SPECC1: variants seen among roughly 807,000 people sequenced by gnomAD.
The protein encoded by SPECC1 is sperm antigen with calponin homology and coiled-coil domains 1.
SPECC1 carries 62 observed loss-of-function variants against 104.1 expected under a neutral mutation model. The observed-to-expected ratio is 0.60, with a 90% CI of 0.49 to 0.74. SPECC1 has a LOEUF of 0.74. SPECC1 is among the 30% of genes least tolerant of loss of function. SPECC1 has a pLI of 0.00. For synonymous variants in SPECC1, 513 were observed against 501.6 expected (o/e 1.02, Z -0.30); for missense variants, 1,306 against 1,310.5 (o/e 1.00, Z 0.05).
chr17:20,167,584 A>C, intron 3 of SPECC1, among the ~76,000 whole-genome samples: 1 of 152,204 alleles, frequency 6.6e-6, no homozygotes, highest in Non-Finnish European at 1.5e-5. Context: ...AGGCTGAGGC[A>C]GGAGAATCAC....
At chr17:20,179,586 A>G (rs2034719389) in intron 3 of SPECC1, among the ~76,000 whole-genome samples, 2 of 152,244 alleles carry the variant, frequency 1.3e-5, no homozygotes, top group African/African-American at 4.8e-5. Flanking sequence ...TTCAAAAGCT[A>G]GGTAGTCAGA....
At chr17:20,294,595 G>A (rs1251459507) in intron 12 of SPECC1, among the ~76,000 whole-genome samples, 1 of 151,632 alleles carries the variant, frequency 6.6e-6, no homozygotes, top group African/African-American at 2.4e-5. Flanking sequence ...ACGGTGGTGG[G>A]GATGATGGTC....
intron 1 of SPECC1, among the ~76,000 whole-genome samples, chr17:20,069,613 T>C (rs953584963): frequency 5.3e-5 from 8 of 152,168 alleles, no homozygotes; most frequent in African/African-American, 1.9e-4. Flanking sequence ...TGAATTGTCC[T>C]AGCATCCTTG....
chr17:20,112,073 A>C, intron 3 of SPECC1: 1 of 766,632 alleles, frequency 1.3e-6, no homozygotes, highest in Non-Finnish European at 2.4e-6. Flanking sequence ...AGGGATTGTC[A>C]GGATTCCACA....
intron 13 of SPECC1, among the ~76,000 whole-genome samples, chr17:20,298,235 C>A (rs370047908): frequency 1.3e-5 from 2 of 152,230 alleles, no homozygotes; most frequent in African/African-American, 4.8e-5. Flanking sequence ...ACCTGTAATC[C>A]CAGCTACTTG....
chr17:20,141,282 T>C (rs1004615790), intron 3 of SPECC1, among the ~76,000 whole-genome samples: 2 of 152,184 alleles, frequency 1.3e-5, no homozygotes, highest in African/African-American at 2.4e-5. Context: ...CTAATAACTC[T>C]CTGTTGCCGT....
At chr17:20,206,863 A>T (rs1211181658) in intron 4 of SPECC1, among the ~76,000 whole-genome samples, 1 of 152,180 alleles carries the variant, frequency 6.6e-6, no homozygotes, top group Non-Finnish European at 1.5e-5. Flanking sequence ...AGCACTTGGT[A>T]TTACATTGTT....
chr17:20,255,660 G>A (rs928364084), intron 10 of SPECC1, among the ~76,000 whole-genome samples: 1 of 152,088 alleles, frequency 6.6e-6, no homozygotes, highest in Non-Finnish European at 1.5e-5. Flanking sequence ...CAAACATCTG[G>A]CCTCAAATGA....
chr17:20,313,411 A>T (rs2041981508), intron 14 of SPECC1, among the ~76,000 whole-genome samples: 6 of 152,256 alleles, frequency 3.9e-5, no homozygotes, highest in Admixed American at 3.9e-4. Flanking sequence ...CTGCACAAAG[A>T]TGCTGATTGC....
At chr17:20,288,644 A>G (rs187486610) in intron 12 of SPECC1, among the ~76,000 whole-genome samples, 2 of 152,262 alleles carry the variant, frequency 1.3e-5, no homozygotes, top group Non-Finnish European at 2.9e-5. Context: ...GAGACGGTAT[A>G]TTAGTCCATT....
At position 20,246,031 on chromosome 17, in the gene SPECC1, C is replaced by A. The variant is rs931835469; in HGVS notation, c.2457C>A (p.Thr819=). ...TSPTPPESAT[T]VKSLIKSFDL... ...CAACACCCCCAGAGTCGGCAACCACCGTTAAGTCACTTATCAAGTCATTTG... is the reference window on the plus strand; with the variant it reads ...CAACACCCCCAGAGTCGGCAACCACAGTTAAGTCACTTATCAAGTCATTTG... Residue 819 remains threonine, a synonymous_variant, in exon 8 of 15, where the codon ACC becomes ACA. Transcript: ENST00000395527. 2 of 1,614,162 alleles carry A rather than the reference C, an allele frequency of 1.2e-6. No individual in the cohort carries two copies. Among genetic ancestry groups the A allele is most frequent in the Non-Finnish European group, 1.7e-6 (2 of 1,180,030 alleles).
At chr17:20,291,581 G>T (rs2041165687) in intron 12 of SPECC1, among the ~76,000 whole-genome samples, 2 of 152,018 alleles carry the variant, frequency 1.3e-5, no homozygotes, top group Admixed American at 6.5e-5. Context: ...GTTTTGCTCT[G>T]TCATGCAGGC....
chr17:20,313,104 G>T (rs2041974219), intron 14 of SPECC1, among the ~76,000 whole-genome samples: 1 of 152,146 alleles, frequency 6.6e-6, no homozygotes, highest in Non-Finnish European at 1.5e-5. Flanking sequence ...CTGACAGGAT[G>T]CCCACCCTCT....
rs1000979871 is a variant in SPECC1 at position 20,253,411 on chromosome 17, G to A, written c.2599-94G>A. The A allele has an allele frequency of 9.0e-6, 11 of 1,218,110 alleles. No individual in the cohort carries two copies. The East Asian group carries it at 1.9e-4, about 21-fold the overall frequency. 75.5% of individuals were successfully genotyped at this position (1,218,110 alleles called of 1,614,324 possible). A position where few individuals can be genotyped will look rare whatever the true frequency, so the allele number is the denominator to read the frequency against. On this transcript the variant is annotated intron_variant, in intron 9 of 14. Transcript: ENST00000395527. Reference sequence around the variant, plus strand: ...GGTTATTCCACTGTGTTTAAGAACTGTTGCACACACACGCATGCACACACA... The same window carrying A: ...GGTTATTCCACTGTGTTTAAGAACTATTGCACACACACGCATGCACACACA...
intron 1 of SPECC1, among the ~76,000 whole-genome samples, chr17:20,020,272 T>C (rs551397824): frequency 6.6e-6 from 1 of 152,344 alleles, no homozygotes; most frequent in Admixed American, 6.5e-5. Context: ...CAAATCATCT[T>C]TTCTAACTCT....
chr17:20,291,850 C>T (rs1946254598), intron 12 of SPECC1, among the ~76,000 whole-genome samples: 1 of 151,574 alleles, frequency 6.6e-6, no homozygotes, highest in African/African-American at 2.4e-5. Context: ...AGCCAAGGGA[C>T]TCATACTTAA....
chr17:20,024,602 G>T (rs1258569677), intron 1 of SPECC1, among the ~76,000 whole-genome samples: 1 of 152,152 alleles, frequency 6.6e-6, no homozygotes, highest in Non-Finnish European at 1.5e-5. Context: ...AGTGTTCCTT[G>T]TCACTGTCTC....
At chr17:20,169,078 G>A (rs768846862) in intron 3 of SPECC1, among the ~76,000 whole-genome samples, 3 of 152,116 alleles carry the variant, frequency 2.0e-5, no homozygotes, top group Non-Finnish European at 4.4e-5. Context: ...TCACTATGTT[G>A]CCCAGGCTGG....
chr17:20,016,609 C>T (rs1034601884), intron 1 of SPECC1, among the ~76,000 whole-genome samples: 1 of 152,214 alleles, frequency 6.6e-6, no homozygotes, highest in East Asian at 1.9e-4. Flanking sequence ...GGGCTTAGCA[C>T]CTGGGCCAGC....
Sources: allele counts gnomAD v4.1 joint callset (sites outside exome capture counted in the v4.1 genomes callset), GRCh38; gene constraint gnomAD v4.1.1; transcripts MANE v1.5; gene names NCBI Gene and HGNC (gene_info 2026-07-23, HGNC 2026-07-21).